Variants in ADAM8 observed in about 807,000 individuals in gnomAD.
ADAM8 encodes the protein disintegrin and metalloproteinase domain-containing protein 8.
Under a neutral mutation model 102.4 loss-of-function variants are expected in ADAM8, and 104 were observed. That is an observed-to-expected ratio of 1.02 (90% CI 0.87 to 1.20). ADAM8 has a LOEUF of 1.20. Among genes scored for constraint, ADAM8 ranks in the 50% most tolerant of loss-of-function variants. The probability of loss-of-function intolerance (pLI) is 0.00; values close to 1 mark genes in which losing one functional copy is unlikely to be tolerated. For synonymous variants in ADAM8, 517 were observed against 485.2 expected (o/e 1.07, Z -0.86); for missense variants, 1,132 against 1,159.0 (o/e 0.98, Z 0.34).
intron 18 of ADAM8, chr10:133,269,208 C>A (rs1846433290): frequency 1.0e-6 from 1 of 983,998 alleles, no homozygotes; most frequent in Non-Finnish European, 1.2e-6. Flanking sequence ...ACTGGAGTCT[C>A]AGCTCACGGC....
intron 17 of ADAM8, 79 bp downstream of exon 17, chr10:133,269,818 T>C (rs1008355166): frequency 9.9e-6 from 15 of 1,509,822 alleles, no homozygotes; most frequent in Non-Finnish European, 1.2e-5. Context: ...GGCTCCCGTG[T>C]CCAGAGCTGT....
intron 6 of ADAM8, 94 bp from the exon 7 acceptor site, chr10:133,273,113 A>G (rs1478263687): frequency 1.3e-6 from 2 of 1,597,928 alleles, no homozygotes; most frequent in South Asian, 1.1e-5. Context: ...GCCCCTGTCC[A>G]GTGCTGGGGG....
intron 17 of ADAM8, 133 bp downstream of exon 17, chr10:133,269,764 C>T: frequency 8.9e-7 from 1 of 1,122,398 alleles, no homozygotes; most frequent in Non-Finnish European, 1.3e-6. Flanking sequence ...AGGGGCTCCA[C>T]AGAGACCCCC....
rs375923416 is a variant in ADAM8 at position 133,273,344 on chromosome 10, C to T, written c.483G>A (p.Leu161=). ...TGACCCCGCAGGTCCCGGCCGTCTG[C>T]AGCAGGTGCTCAGCCTGGTACACGG... ...RHAVYQAEHL[L]QTAGTCGVSD... Residue 161 remains leucine, a synonymous_variant, in exon 6 of 23, where the codon CTG becomes CTA. Coordinates refer to ENST00000445355, the MANE Select transcript of ADAM8 (RefSeq NM_001109.5). 264 of 1,570,094 alleles carry T rather than the reference C, an allele frequency of 1.7e-4. No individual in the cohort carries two copies. The highest frequency in any genetic ancestry group is 2.2e-4 in the Non-Finnish European group (252 of 1,158,586).
intron 22 of ADAM8, 44 bp downstream of exon 22, chr10:133,263,644 T>TCAGCC: frequency 5.9e-6 from 1 of 170,882 alleles, no homozygotes; most frequent in Non-Finnish European, 8.0e-6. Flanking sequence ...GGCCGTGCCG[T>TCAGCC]CCATTGCACA....
intron 19 of ADAM8, among the ~76,000 whole-genome samples, chr10:133,268,352 G>A (rs1846398576): frequency 6.6e-6 from 1 of 152,198 alleles, no homozygotes; most frequent in Admixed American, 6.5e-5. Context: ...AGGCTGTGGG[G>A]CCAGTGTGTC....
chr10:133,271,848 T>C lies in ADAM8; in HGVS notation c.1064A>G (p.Glu355Gly), dbSNP rs1846540305. 6.2e-7 allele frequency: 1 copy of C among 1,612,490 alleles called. No homozygotes were observed. Among genetic ancestry groups the C allele is most frequent in the Non-Finnish European group, 8.5e-7 (1 of 1,179,816 alleles). Reference protein sequence around the residue: ...DENVQGCRCQERFEAGRCIMA... With the variant: ...DENVQGCRCQGRFEAGRCIMA... ...GATGCAGCGGCCGGCCTCGAAGCGT[T>C]CCTGGCAGCGGCAGCCCTGGACGTT... Residue 355 changes from glutamate (E) to glycine (G), a missense_variant, in exon 11 of 23, where the codon GAA (glutamate) becomes GGA (glycine). By Grantham distance (98) the Glu-to-Gly change is moderately conservative. Coordinates refer to ENST00000445355, the MANE Select transcript of ADAM8 (RefSeq NM_001109.5).
In ADAM8 at chr10:133,272,823, A is replaced by G. The variant is rs1218181181; in HGVS notation, c.680T>C (p.Leu227Pro). 5.6e-6 allele frequency: 9 copies of G among 1,609,844 alleles called. No individual in the cohort carries two copies. Among genetic ancestry groups the G allele is most frequent in the Non-Finnish European group, 7.6e-6 (9 of 1,178,510 alleles). The part of the protein sequence containing the change: ...GSEAAVRHRV[L>P]EVVNHVDKLY... ...CTTGTCCACGTGATTCACCACCTCCAGCACCCGATGACGCACGGCTGCTTC... is the reference window on the plus strand; with the variant it reads ...CTTGTCCACGTGATTCACCACCTCCGGCACCCGATGACGCACGGCTGCTTC... The change falls in exon 8 of 23, where the codon CTG becomes CCG. Residue 227 changes from leucine (L) to proline (P), a missense_variant. Transcript: ENST00000445355.
At chr10:133,276,666 G>A (rs995861653) in intron 1 of ADAM8, 106 bp downstream of exon 1, 3 of 1,433,884 alleles carry the variant, frequency 2.1e-6, no homozygotes, top group Admixed American at 2.5e-5. Flanking sequence ...GCCGGGCCAG[G>A]GTGCGGGGTG....
chr10:133,269,128 C>A lies in ADAM8; in HGVS notation c.1949-266G>T, dbSNP rs956406022. 4 of 985,320 alleles carry A rather than the reference C, an allele frequency of 4.1e-6. No individual in the cohort carries two copies. In the African/African-American group the frequency reaches 7.0e-5, roughly 17 times the overall value. The allele number at this position is 985,320 out of a possible 1,614,324, so 61.0% of individuals were successfully genotyped here. ...TGGACGACCACATGCTCAGTGGCCGCCGGGGAGGAAATGCTGGGTGGCCTC... is the reference window on the plus strand; with the variant it reads ...TGGACGACCACATGCTCAGTGGCCGACGGGGAGGAAATGCTGGGTGGCCTC... On this transcript the variant is annotated intron_variant, in intron 18 of 22. Coordinates refer to ENST00000445355, the MANE Select transcript of ADAM8 (RefSeq NM_001109.5).
intron 4 of ADAM8, 27 bp downstream of exon 4, chr10:133,273,924 C>T (rs773809907): frequency 2.8e-5 from 44 of 1,575,090 alleles, no homozygotes; most frequent in Non-Finnish European, 3.5e-5. Flanking sequence ...CCTACCTGCC[C>T]GCCCAGCTGC....
chr10:133,265,217 TC>T (rs1174987328), intron 21 of ADAM8, among the ~76,000 whole-genome samples: 2 of 123,220 alleles, frequency 1.6e-5, no homozygotes, highest in Admixed American at 1.7e-4. Flanking sequence ...CCCATCTACC[TC>T]CACGCCCAGC....
chr10:133,263,163 G>A lies in ADAM8; in HGVS notation c.2468C>T (p.Ala823Val). The change falls in exon 23 of 23, where the codon GCA becomes GTA. Residue 823 changes from alanine (A) to valine (V), a missense_variant. Ala to Val is a moderately conservative substitution (Grantham distance 64). Coordinates refer to ENST00000445355, the MANE Select transcript of ADAM8 (RefSeq NM_001109.5). The stretch of plus-strand genomic sequence containing the variant: ...ACAGGCGCAGGTGCCCCCCTAGGGT[G>A]CTGTGGGAGCTCCGGCTCCTTGCTT... ...QRKQGAGAPT[A>V]P 1.2e-6 allele frequency: 2 copies of A among 1,613,982 alleles called. No individual in the cohort carries two copies. Among genetic ancestry groups the A allele is most frequent in the South Asian group, 1.1e-5 (1 of 91,084 alleles).
At chr10:133,266,808 G>A (rs1432452523) in intron 21 of ADAM8, among the ~76,000 whole-genome samples, 2 of 152,172 alleles carry the variant, frequency 1.3e-5, no homozygotes. Flanking sequence ...CCCCCACGGG[G>A]TCCAAAAAGG....
intron 18 of ADAM8, 22 bp downstream of exon 18, chr10:133,269,423 T>G (rs1263953451): frequency 9.8e-6 from 15 of 1,524,392 alleles, no homozygotes; most frequent in Non-Finnish European, 1.3e-5. Flanking sequence ...CAGCCCCACC[T>G]GCGCTGGCCA....
Position 133,267,256 on chromosome 10 carries a change from G to A in ADAM8, c.2319+96C>T, listed in dbSNP as rs1846352777. On this transcript the variant is annotated intron_variant, in intron 21 of 22. Transcript: ENST00000445355. ...TCTGTGTACAGCAGGGGCCACCTGGGGATCCCTGGCCCCCGGTGCAGTGCA... is the reference window on the plus strand; with the variant it reads ...TCTGTGTACAGCAGGGGCCACCTGGAGATCCCTGGCCCCCGGTGCAGTGCA... The A allele has an allele frequency of 7.3e-6, 10 of 1,364,496 alleles. No homozygotes were observed. In the Admixed American group the frequency reaches 2.0e-4, roughly 27 times the overall value. 84.5% of individuals were successfully genotyped at this position (1,364,496 alleles called of 1,614,324 possible).
At chr10:133,273,498 C>T in intron 5 of ADAM8, 55 bp from the exon 6 acceptor site, 1 of 1,474,754 alleles carries the variant, frequency 6.8e-7, no homozygotes, top group South Asian at 1.3e-5. Context: ...CTGGTCCTGC[C>T]CCGAAGGACC....
Position 133,270,362 on chromosome 10 carries a change from TC to T in ADAM8, c.1782del (p.Lys595ArgfsTer50), listed in dbSNP as rs1554930036. ...CGGCCTCTGAGCCAGGGGCTCACCT[TC>T]TCTGGTCCACACCGGGTGCCCTCGG... ...PVPEGTRCGP[E>X]KVCWKGRCQD... On this transcript the variant is annotated frameshift_variant, in exon 16 of 23. Transcript: ENST00000445355. LOFTEE classifies it high-confidence loss of function. 1 of 1,583,038 alleles carries T rather than the reference TC, an allele frequency of 6.3e-7. No individual in the cohort carries two copies. The highest frequency in any genetic ancestry group is 1.3e-5 in the African/African-American group (1 of 74,366).
rs531245478 is a variant in ADAM8 at position 133,273,176 on chromosome 10, G to A, written c.573+78C>T. ...AGACAATGGGCAGCACCCAGCACAT[G>A]GGGAGCCAGGAGGACTCACAGGCCA... is the stretch of plus-strand genomic sequence containing the variant. On this transcript the variant is annotated intron_variant, in intron 6 of 22. Coordinates refer to ENST00000445355, the MANE Select transcript of ADAM8 (RefSeq NM_001109.5). 1,591 of 1,578,144 alleles carry A rather than the reference G, an allele frequency of 1.0e-3. 17 individuals carry two copies. Among genetic ancestry groups the A allele is most frequent in the Non-Finnish European group, 6.7e-4 (773 of 1,158,264 alleles).
Sources: gnomAD v4.1 joint callset for allele counts (sites outside exome capture counted in the v4.1 genomes callset) on GRCh38, gnomAD v4.1.1 for gene constraint, MANE v1.5 for transcripts, NCBI Gene and HGNC (gene_info 2026-07-23, HGNC 2026-07-21) for gene names.